Variants in SPAG9 observed in about 807,000 individuals in gnomAD.
The protein encoded by SPAG9 is sperm associated antigen 9, also known as C-Jun-amino-terminal kinase-interacting protein 4.
Under a neutral mutation model 166.5 loss-of-function variants are expected in SPAG9, and 35 were observed. The ratio of observed to expected loss-of-function variants is 0.21; its 90% CI spans 0.16 to 0.28. The LOEUF is 0.28. SPAG9 is among the 10% of genes least tolerant of loss of function. SPAG9 has a pLI of 1.00. For synonymous variants in SPAG9, 534 were observed against 565.5 expected, an observed-to-expected ratio of 0.94 and a Z score of 0.79; for missense variants, 1,235 against 1,603.3, an observed-to-expected ratio of 0.77 and a Z score of 3.92.
intron 1 of SPAG9, among the ~76,000 whole-genome samples, chr17:51,107,100 C>CA (rs527593488): frequency 0.035 from 3,030 of 87,610 alleles, 82 homozygotes; most frequent in African/African-American, 0.098. Context: ...TGCTCCATCT[C>CA]AAAAAAAAAA....
chr17:51,107,203 G>C (rs575541244), intron 1 of SPAG9, among the ~76,000 whole-genome samples: 25 of 152,070 alleles, frequency 1.6e-4, no homozygotes, highest in Non-Finnish European at 2.6e-4. Context: ...TTGGGGGAAT[G>C]GGATAAGGTA....
rs2045922761 is a variant in SPAG9, at chr17:51,021,159, A to G, written c.990T>C (p.Thr330=). 1.2e-6 allele frequency: 2 copies of G among 1,612,614 alleles called. No homozygotes were observed. The highest frequency in any genetic ancestry group is 8.5e-7 in the Non-Finnish European group (1 of 1,178,810). ...AAGTAAAGAACTAGGGTCACTCACC[A>G]GTAGATACATTTCTAGTTTCCTGGG... is the stretch of plus-strand genomic sequence containing the variant. ...QVAQETRNVS[T]GSAENEEKSE... Residue 330 remains threonine (T), a splice_region_variant and synonymous_variant, in exon 7 of 30, where the codon ACT becomes ACC. Coordinates refer to ENST00000262013, the MANE Select transcript of SPAG9 (RefSeq NM_001130528.3).
chr17:51,032,790 T>C (rs2046430274), intron 5 of SPAG9, among the ~76,000 whole-genome samples: 1 of 151,932 alleles, frequency 6.6e-6, no homozygotes, highest in South Asian at 2.1e-4. Context: ...CAAAACTAGC[T>C]GGGCGTTGTG....
At chr17:51,053,891 ATATATAT>A (rs1568045174) in intron 3 of SPAG9, among the ~76,000 whole-genome samples, 12 of 117,116 alleles carry the variant, frequency 1.0e-4, no homozygotes, top group South Asian at 2.7e-4. Flanking sequence ...ATATATATAT[ATATATAT>A]AAAACATATA....
At chr17:51,053,156 T>C (rs999937289) in intron 3 of SPAG9, among the ~76,000 whole-genome samples, 1 of 150,930 alleles carries the variant, frequency 6.6e-6, no homozygotes, top group African/African-American at 2.4e-5. Flanking sequence ...AACAAAAACG[T>C]TGTTTATTAT....
At chr17:50,992,898 C>A (rs1975715437) in intron 19 of SPAG9, among the ~76,000 whole-genome samples, 1 of 151,854 alleles carries the variant, frequency 6.6e-6, no homozygotes, top group Non-Finnish European at 1.5e-5. Flanking sequence ...GAGTTCGAGA[C>A]CAACCTGGCC....
chr17:50,998,471 G>T lies in SPAG9; in HGVS notation c.1811C>A (p.Ser604Tyr), dbSNP rs147213744. The T allele has an allele frequency of 7.5e-4, 1,206 of 1,613,944 alleles. 2 individuals are homozygous for T. The highest frequency in any genetic ancestry group is 1.0e-3 in the South Asian group (95 of 91,076). Residue 604 changes from serine to tyrosine, a missense_variant, in exon 15 of 30, where the codon TCC (serine) becomes TAC (tyrosine). Ser to Tyr is a moderately radical substitution (Grantham distance 144). Around this residue, in one of 6 missense-constraint regions of SPAG9, gnomAD observed 493 missense variants for 559.4 expected, o/e 0.88. Coordinates refer to ENST00000262013, the MANE Select transcript of SPAG9 (RefSeq NM_001130528.3). ...STLSQLPGDK[S>Y]KAFDFLSEET... is the part of the protein sequence containing the mutation. ...TTCACTAAGGAAATCAAAGGCTTTG[G>T]ACTTATCCCCAGGGAGCTGAGATAA...
chr17:51,110,794 CA>C (rs1426139679), intron 1 of SPAG9, among the ~76,000 whole-genome samples: 1 of 151,902 alleles, frequency 6.6e-6, no homozygotes, highest in Non-Finnish European at 1.5e-5. Context: ...CCTATTATGC[CA>C]AACTACTGAA....
At chr17:50,985,197 T>C (rs183135113) in intron 23 of SPAG9, among the ~76,000 whole-genome samples, 16 of 152,190 alleles carry the variant, frequency 1.1e-4, no homozygotes, top group Non-Finnish European at 1.9e-4. Context: ...ACAGTATGAA[T>C]GGTATCTCAG....
chr17:51,031,231 AGATGTTT>A (rs781285014), intron 6 of SPAG9: 1 of 188,002 alleles, frequency 5.3e-6, no homozygotes, highest in African/African-American at 2.4e-5. Flanking sequence ...GGCTCTTAAC[AGATGTTT>A]GATGAATAAA....
At chr17:51,097,954 T>C (rs923605531) in intron 1 of SPAG9, among the ~76,000 whole-genome samples, 2 of 151,750 alleles carry the variant, frequency 1.3e-5, no homozygotes, top group Non-Finnish European at 2.9e-5. Context: ...TTCCAAGTAG[T>C]TGGGACTACA....
At chr17:50,996,721 T>C (rs1275966618) in intron 15 of SPAG9, 27 bp from the exon 16 acceptor site, 2 of 1,611,024 alleles carry the variant, frequency 1.2e-6, no homozygotes, top group Non-Finnish European at 8.5e-7. Context: ...TTTTCCTAAT[T>C]ACATGAATAC....
At chr17:51,027,652 C>T (rs766182929) in intron 6 of SPAG9, among the ~76,000 whole-genome samples, 21 of 151,980 alleles carry the variant, frequency 1.4e-4, no homozygotes, top group Non-Finnish European at 2.2e-4. Context: ...TCATAATATC[C>T]CAGTGCAATG....
chr17:51,076,667 C>T (rs1432411862), intron 2 of SPAG9, among the ~76,000 whole-genome samples: 1 of 151,432 alleles, frequency 6.6e-6, no homozygotes, highest in Non-Finnish European at 1.5e-5. Context: ...CCCCAGGGGG[C>T]GGAGGTTGCA....
rs542183555 is a variant in SPAG9 at position 51,019,928 on chromosome 17, G to A, written c.1091+231C>T. Among the ~76,000 whole-genome samples the A allele has an allele frequency of 3.9e-5, 6 of 152,308 alleles. No individual in the cohort carries two copies. The South Asian group carries it at 1.2e-3, about 32-fold the overall frequency. ...GCTATAGCAGTACAAAATAGACTAA[G>A]ACACCATCCTTCCTGCTCATACACC... On this transcript the variant is annotated intron_variant, in intron 8 of 29. Transcript: ENST00000262013.
intron 2 of SPAG9, among the ~76,000 whole-genome samples, chr17:51,067,455 C>T (rs189380060): frequency 6.6e-6 from 1 of 152,248 alleles, no homozygotes; most frequent in East Asian, 1.9e-4. Flanking sequence ...GCCTCAAGTA[C>T]CATGAAGTTA....
chr17:51,104,959 G>GGTGGCAGGCGCCTGTA (rs2048906515), intron 1 of SPAG9, among the ~76,000 whole-genome samples: 1 of 135,942 alleles, frequency 7.4e-6, no homozygotes, highest in Non-Finnish European at 1.6e-5. Context: ...AGCTGGGTGT[G>GGTGGCAGGCGCCTGTA]GTGGCAGGCG....
intron 8 of SPAG9, among the ~76,000 whole-genome samples, chr17:51,019,670 T>C (rs1235065192): frequency 6.6e-6 from 1 of 151,988 alleles, no homozygotes; most frequent in Non-Finnish European, 1.5e-5. Context: ...CTGACCAACA[T>C]GGAGAAACCC....
At chr17:51,064,512 C>T (rs184635773) in intron 2 of SPAG9, among the ~76,000 whole-genome samples, 8 of 152,070 alleles carry the variant, frequency 5.3e-5, no homozygotes, top group Admixed American at 5.2e-4. Flanking sequence ...CAATATTATC[C>T]GGTTATGAAA....
Sources: allele counts gnomAD v4.1 joint callset (sites outside exome capture counted in the v4.1 genomes callset), GRCh38; gene constraint gnomAD v4.1.1; regional missense constraint gnomAD v4.1.1; transcripts MANE v1.5; gene names NCBI Gene and HGNC (gene_info 2026-07-23, HGNC 2026-07-21).